AGO3: variants seen among roughly 807,000 people sequenced by gnomAD.
AGO3 encodes protein argonaute-3.
In AGO3, 16 loss-of-function variants were observed where a neutral mutation model predicts 105.5. That is an observed-to-expected ratio of 0.15 (90% CI 0.10 to 0.23). AGO3 has a LOEUF of 0.23. AGO3 is among the 10% of genes least tolerant of loss of function. The pLI is 1.00. For synonymous variants in AGO3, 340 were observed against 367.3 expected, an observed-to-expected ratio of 0.93 and a Z score of 0.85; for missense variants, 534 against 1,088.0, an observed-to-expected ratio of 0.49 and a Z score of 7.16.
intron 10 of AGO3, 61 bp from the exon 11 acceptor site, chr1:36,013,854 C>A (rs1376515053): frequency 1.2e-6 from 2 of 1,602,192 alleles, no homozygotes; most frequent in African/African-American, 2.7e-5. Flanking sequence ...GAAATGTTTA[C>A]TTTCTGTTTA....
Position 35,931,111 on chromosome 1 carries a change from G to T in AGO3, c.-316G>T. ...TTCCGGGGCGGCCCCGGGCAGGTCG[G>T]CGGCGGCGGCCCGCAGTCGTGGAGG... On this transcript the variant is annotated 5_prime_UTR_variant, in exon 1 of 19. Coordinates refer to ENST00000373191, the MANE Select transcript of AGO3 (RefSeq NM_024852.4). 2.5e-6 allele frequency: 1 copy of T among 394,660 alleles called. No homozygotes were observed. The highest frequency in any genetic ancestry group is 4.5e-6 in the Non-Finnish European group (1 of 223,322). 24.4% of individuals were successfully genotyped at this position (394,660 alleles called of 1,614,324 possible).
intron 5 of AGO3, among the ~76,000 whole-genome samples, chr1:35,987,681 C>A: frequency 6.7e-6 from 1 of 150,298 alleles, no homozygotes; most frequent in African/African-American, 2.5e-5. Flanking sequence ...AAGAGATAGA[C>A]CAAAAAAATT....
intron 3 of AGO3, among the ~76,000 whole-genome samples, chr1:35,967,440 G>T (rs1646794955): frequency 6.6e-6 from 1 of 151,352 alleles, no homozygotes; most frequent in Non-Finnish European, 1.5e-5. Context: ...TTTGAGACAG[G>T]GTCTCGCTTT....
At chr1:36,022,062 CTTT>C (rs34538981) in intron 11 of AGO3, among the ~76,000 whole-genome samples, 8 of 110,292 alleles carry the variant, frequency 7.3e-5, no homozygotes, top group East Asian at 2.8e-4. Context: ...AGTTGGGGGC[CTTT>C]TTTTTTTTTT....
At chr1:35,991,625 T>C (rs1202939343) in intron 5 of AGO3, among the ~76,000 whole-genome samples, 1 of 151,130 alleles carries the variant, frequency 6.6e-6, no homozygotes, top group Non-Finnish European at 1.5e-5. Context: ...TAGCTCTTTC[T>C]GTGGTGGAAA....
Position 36,008,890 on chromosome 1 carries a change from T to C in AGO3, c.882-7T>C, listed in dbSNP as rs752087250. 2.7e-5 allele frequency: 44 copies of C among 1,613,818 alleles called. No homozygotes were observed. Among genetic ancestry groups the C allele is most frequent in the Non-Finnish European group, 3.5e-5 (41 of 1,180,020 alleles). The stretch of plus-strand genomic sequence containing the variant: ...AGAATTGTTCATGTGTACTTTTTTT[T>C]CCTCAGCTTTCCTTTACAGTTAGAA... On this transcript the variant is annotated splice_region_variant and splice_polypyrimidine_tract_variant and intron_variant, in intron 7 of 18. Transcript: ENST00000373191. This position sits in a 1 kb window ranked among gnomAD's most constrained non-coding sequence, Gnocchi z 5.1.
chr1:35,956,987 A>G lies in AGO3; in HGVS notation c.192-9968A>G, dbSNP rs1425273667. 2.0e-5 allele frequency among the ~76,000 whole-genome samples: 3 copies of G among 152,096 alleles called. No individual in the cohort carries two copies. In the East Asian group the frequency reaches 5.8e-4, roughly 29 times the overall value. On this transcript the variant is annotated intron_variant, in intron 2 of 18. Transcript: ENST00000373191. ...TTTTCAAGGAACAAAGTTTGATTAC[A>G]GTGGCAAATGCTAAACAAAGCCAGG...
chr1:36,043,342 A>G, intron 16 of AGO3, 105 bp from the exon 17 acceptor site: 1 of 807,284 alleles, frequency 1.2e-6, no homozygotes, highest in Non-Finnish European at 2.0e-6. Flanking sequence ...AGGTGAAAGT[A>G]GTGAAATGTA....
intron 5 of AGO3, among the ~76,000 whole-genome samples, chr1:35,980,120 A>G (rs1193439588): frequency 2.0e-5 from 3 of 152,150 alleles, no homozygotes; most frequent in South Asian, 2.1e-4. Context: ...TATGATACCT[A>G]TCTTCCTCTG....
At chr1:36,017,981 A>G (rs966419434) in intron 11 of AGO3, among the ~76,000 whole-genome samples, 1 of 150,974 alleles carries the variant, frequency 6.6e-6, no homozygotes, top group African/African-American at 2.4e-5. Context: ...TCCTGGCACT[A>G]TTCTCTTTAA....
At position 35,965,266 on chromosome 1, in the gene AGO3, C is replaced by T. The variant is rs765300527; in HGVS notation, c.192-1689C>T. On this transcript the variant is annotated intron_variant, in intron 2 of 18. Coordinates refer to ENST00000373191, the MANE Select transcript of AGO3 (RefSeq NM_024852.4). Reference sequence around the variant, plus strand: ...CAGCACTTTAGGAGGCCGAGGCGGGCGGATCACCAGGTCAGGAGTTCGAGA... The same window carrying T: ...CAGCACTTTAGGAGGCCGAGGCGGGTGGATCACCAGGTCAGGAGTTCGAGA... Among the ~76,000 whole-genome samples, 140 of 151,728 alleles carry T rather than the reference C, an allele frequency of 9.2e-4. 1 individual carries two copies. Among genetic ancestry groups the T allele is most frequent in the Non-Finnish European group, 1.3e-3 (86 of 67,894 alleles).
At chr1:35,998,832 G>T (rs998220927) in intron 5 of AGO3, among the ~76,000 whole-genome samples, 1 of 151,838 alleles carries the variant, frequency 6.6e-6, no homozygotes, top group African/African-American at 2.4e-5. Flanking sequence ...TATAGTTTTT[G>T]TATTGTGCTG....
At chr1:35,963,916 T>G (rs1162410141) in intron 2 of AGO3, among the ~76,000 whole-genome samples, 1 of 152,108 alleles carries the variant, frequency 6.6e-6, no homozygotes, top group African/African-American at 2.4e-5. Flanking sequence ...GATAACCACA[T>G]GTAACTCTGA....
Position 36,055,722 on chromosome 1 carries a change from T to C in AGO3, c.2560T>C (p.Leu854=). Residue 854 remains leucine (L), a synonymous_variant, in exon 19 of 19, where the codon TTA becomes CTA. Transcript: ENST00000373191. The surrounding 1 kb of genome is among the most constrained non-coding windows in gnomAD (Gnocchi z 4.4). The part of the protein sequence containing the change: ...AKAVQIHQDT[L]RTMYFA ...GGCTGTACAGATTCACCAAGATACC[T>C]TACGCACAATGTACTTCGCTTAAAT... 1 of 1,614,180 alleles carries C rather than the reference T, an allele frequency of 6.2e-7. No homozygotes were observed. Among genetic ancestry groups the C allele is most frequent in the Non-Finnish European group, 8.5e-7 (1 of 1,180,028 alleles).
At chr1:36,033,081 C>T (rs965713104) in intron 12 of AGO3, among the ~76,000 whole-genome samples, 2 of 151,288 alleles carry the variant, frequency 1.3e-5, no homozygotes, top group African/African-American at 2.4e-5. Context: ...TGCAGTGAAC[C>T]GAGATTGCGC....
upstream of AGO3, chr1:35,930,855 A>T (rs1646026218): frequency 1.9e-5 from 4 of 208,602 alleles, no homozygotes; most frequent in Admixed American, 1.8e-4. Context: ...GCAGACAGGC[A>T]CCGCCCCCAC....
rs60328678 is a variant in AGO3 at position 36,040,128 on chromosome 1, T to G, written c.2037+144T>G. On this transcript the variant is annotated intron_variant, in intron 15 of 18. Coordinates refer to ENST00000373191, the MANE Select transcript of AGO3 (RefSeq NM_024852.4). ...TGTTAGATTGTCTTTTTGAAAATGT[T>G]CACTACGAATGTGTATGCCTTGCTT... 3,767 of 1,174,428 alleles carry G rather than the reference T, an allele frequency of 3.2e-3. 82 individuals carry two copies. The African/African-American group carries it at 0.053, about 17-fold the overall frequency. The allele number at this position is 1,174,428 out of a possible 1,614,324, so 72.8% of individuals were successfully genotyped here.
chr1:35,990,208 T>C (rs2148793395), intron 5 of AGO3, among the ~76,000 whole-genome samples: 2 of 152,178 alleles, frequency 1.3e-5, no homozygotes, highest in Middle Eastern at 6.8e-3. Context: ...TTAGACACAT[T>C]AGTTAAATTT....
At chr1:35,988,960 T>C (rs982355675) in intron 5 of AGO3, among the ~76,000 whole-genome samples, 5 of 152,228 alleles carry the variant, frequency 3.3e-5, no homozygotes, top group African/African-American at 4.8e-5. Flanking sequence ...TTACATTTCC[T>C]TTTTGCTTTT....
Sources: gnomAD v4.1 joint callset for allele counts (sites outside exome capture counted in the v4.1 genomes callset) on GRCh38, gnomAD v4.1.1 for gene constraint, Gnocchi (gnomAD v3.1) non-coding constraint, MANE v1.5 for transcripts, NCBI Gene and HGNC (gene_info 2026-07-23, HGNC 2026-07-21) for gene names.